Variants in SMAD5 observed in about 807,000 individuals in gnomAD.
SMAD5 encodes MAD, mothers against decapentaplegic homolog 5.
A neutral mutation model predicts 43.1 loss-of-function variants in SMAD5; 9 were observed. The observed-to-expected ratio is 0.21, with a 90% CI of 0.13 to 0.36. The LOEUF (loss-of-function observed/expected upper bound fraction) is 0.36, where lower values mean the gene tolerates loss of function less well. SMAD5 is among the 10% of genes least tolerant of loss of function. The pLI, the probability that SMAD5 is intolerant of heterozygous loss-of-function variation, is 1.00. For synonymous variants in SMAD5, 190 were observed against 192.4 expected (o/e 0.99, Z 0.10); for missense variants, 348 against 574.0 (o/e 0.61, Z 4.02).
intron 1 of SMAD5, among the ~76,000 whole-genome samples, chr5:136,142,445 C>T (rs1753117549): frequency 6.6e-6 from 1 of 152,032 alleles, no homozygotes; most frequent in African/African-American, 2.4e-5. Flanking sequence ...ACACTAATGA[C>T]GTTCTGTGTT....
intron 7 of SMAD5, among the ~76,000 whole-genome samples, chr5:136,175,831 A>G (rs745628349): frequency 6.6e-6 from 1 of 152,036 alleles, no homozygotes; most frequent in Non-Finnish European, 1.5e-5. Flanking sequence ...TGACTTTTGC[A>G]TATTTATTTT....
intron 7 of SMAD5, among the ~76,000 whole-genome samples, chr5:136,175,881 C>T (rs1467347863): frequency 1.3e-5 from 2 of 152,108 alleles, no homozygotes; most frequent in Non-Finnish European, 2.9e-5. Context: ...CCTGACCGCC[C>T]TCCCTCCCCA....
At chr5:136,175,554 G>A (rs375014977) in intron 7 of SMAD5, among the ~76,000 whole-genome samples, 45 of 152,246 alleles carry the variant, frequency 3.0e-4, no homozygotes, top group African/African-American at 1.0e-3. Context: ...ACATTCCAAA[G>A]ATTTGTGCTT....
intron 5 of SMAD5, among the ~76,000 whole-genome samples, chr5:136,171,486 C>A (rs767943467): frequency 6.6e-6 from 1 of 152,214 alleles, no homozygotes; most frequent in Non-Finnish European, 1.5e-5. Flanking sequence ...GAACATCAAA[C>A]CAAAGAGGTT....
chr5:136,144,353 T>C (rs1029724367), intron 1 of SMAD5, among the ~76,000 whole-genome samples: 1 of 152,038 alleles, frequency 6.6e-6, no homozygotes, highest in African/African-American at 2.4e-5. Flanking sequence ...GTTTGACACT[T>C]AGCCTTCTGA....
In SMAD5 at chr5:136,168,649, T is replaced by C. The variant is rs562885485; in HGVS notation, c.776-3785T>C. ...GTACATTCTGTGGGTTTTTAACACA[T>C]GTATCCACCCTTATGATATGATACA... On this transcript the variant is annotated intron_variant, in intron 5 of 7. Transcript: ENST00000545279. Among the ~76,000 whole-genome samples, 189 of 152,358 alleles carry C rather than the reference T, an allele frequency of 1.2e-3. 2 individuals are homozygous for C. The highest frequency in any genetic ancestry group is 2.2e-3 in the Non-Finnish European group (151 of 68,028).
At chr5:136,174,933 A>C (rs1410781626) in intron 7 of SMAD5, among the ~76,000 whole-genome samples, 1 of 152,188 alleles carries the variant, frequency 6.6e-6, no homozygotes, top group Non-Finnish European at 1.5e-5. Context: ...GTATTAGTCC[A>C]TTTTCATGCT....
chr5:136,141,604 C>T lies in SMAD5; in HGVS notation c.-244-6228C>T, dbSNP rs539387696. 1.2e-4 allele frequency among the ~76,000 whole-genome samples: 18 copies of T among 152,310 alleles called. No individual in the cohort carries two copies. In the Middle Eastern group the frequency reaches 0.014, roughly 115 times the overall value. ...ACCCTTGGCTAGTGCTGATAAACCC[C>T]TGCATGTCCTACAATGTCTGCTAGT... is the stretch of plus-strand genomic sequence containing the variant. On this transcript the variant is annotated intron_variant, in intron 1 of 7. Coordinates refer to ENST00000545279, the MANE Select transcript of SMAD5 (RefSeq NM_005903.7).
intron 2 of SMAD5, among the ~76,000 whole-genome samples, chr5:136,152,958 T>C (rs962836924): frequency 2.4e-4 from 37 of 152,234 alleles, no homozygotes; most frequent in Admixed American, 2.2e-3. Context: ...AATGAATTTA[T>C]TCTCTTTAAA....
chr5:136,153,679 T>C lies in SMAD5; in HGVS notation c.-82T>C, dbSNP rs1222451969. ...AATTGGAACTTCTGCTTAGGACCTGTGTATGACGTTTCACCTGTGATCTGT... is the reference window on the plus strand; with the variant it reads ...AATTGGAACTTCTGCTTAGGACCTGCGTATGACGTTTCACCTGTGATCTGT... On this transcript the variant is annotated 5_prime_UTR_variant, in exon 3 of 8. Transcript: ENST00000545279. The C allele has an allele frequency of 3.5e-6, 4 of 1,141,642 alleles. No homozygotes were observed. The South Asian group carries it at 6.0e-5, about 17-fold the overall frequency. The allele number at this position is 1,141,642 out of a possible 1,614,324, so 70.7% of individuals were successfully genotyped here.
intron 1 of SMAD5, among the ~76,000 whole-genome samples, chr5:136,136,771 A>G (rs900929669): frequency 6.6e-6 from 1 of 151,914 alleles, no homozygotes; most frequent in African/African-American, 2.4e-5. Context: ...ATCTTGACTC[A>G]CTGCAATTCT....
intron 1 of SMAD5, chr5:136,134,476 G>A (rs1752806525): frequency 6.6e-6 from 1 of 152,146 alleles, no homozygotes; most frequent in Non-Finnish European, 1.5e-5. Context: ...TCCATTGTGG[G>A]GAAAACAGTA....
At chr5:136,149,399 A>G (rs963991481) in intron 2 of SMAD5, among the ~76,000 whole-genome samples, 5 of 151,458 alleles carry the variant, frequency 3.3e-5, no homozygotes, top group Admixed American at 1.3e-4. Context: ...CTGTTAAACA[A>G]TTTTCAAAAG....
intron 3 of SMAD5, among the ~76,000 whole-genome samples, chr5:136,159,422 A>G (rs1753756531): frequency 6.6e-6 from 1 of 152,198 alleles, no homozygotes; most frequent in South Asian, 2.1e-4. Flanking sequence ...CTCTAATAGC[A>G]TGTCTTTTTT....
intron 1 of SMAD5, among the ~76,000 whole-genome samples, chr5:136,147,046 AT>A (rs1753281342): frequency 1.3e-5 from 2 of 151,734 alleles, no homozygotes; most frequent in East Asian, 3.9e-4. Context: ...TAATGGTATG[AT>A]TATAGGTGAG....
At chr5:136,161,239 G>A in intron 4 of SMAD5, 132 bp downstream of exon 4, 1 of 794,058 alleles carries the variant, frequency 1.3e-6, no homozygotes, top group Non-Finnish European at 2.0e-6. Context: ...TATTCTTTAG[G>A]TAATTGTTTG....
Position 136,133,435 on chromosome 5 carries a change from G to A in SMAD5, c.-245+473G>A, listed in dbSNP as rs560502092. ...AATGGCTTGATGAATCCGTGCCGCC[G>A]TCGCTTTGTGTTTCAAAGATAAGGA... is the stretch of plus-strand genomic sequence containing the variant. On this transcript the variant is annotated intron_variant, in intron 1 of 7. Coordinates refer to ENST00000545279, the MANE Select transcript of SMAD5 (RefSeq NM_005903.7). 1.5e-4 allele frequency: 23 copies of A among 152,600 alleles called. 1 individual carries two copies. The highest frequency in any genetic ancestry group is 1.4e-3 in the Admixed American group (21 of 15,310). 9.5% of individuals were successfully genotyped at this position (152,600 alleles called of 1,614,324 possible).
chr5:136,163,307 G>A lies in SMAD5; in HGVS notation c.691G>A (p.Asp231Asn). ...TCCTCCTGCCTATATGCCACCTGAT[G>A]ATCAGATGGGTCAAGATAATTCCCA... ...TPPPAYMPPD[D>N]QMGQDNSQPM... Residue 231 changes from aspartate (D) to asparagine (N), a missense_variant, in exon 5 of 8, where the codon GAT becomes AAT. By Grantham distance (23) the Asp-to-Asn change is conservative (BLOSUM62 1). Coordinates refer to ENST00000545279, the MANE Select transcript of SMAD5 (RefSeq NM_005903.7). 1 of 1,608,040 alleles carries A rather than the reference G, an allele frequency of 6.2e-7. No homozygotes were observed.
chr5:136,152,999 A>T (rs1431680083), intron 2 of SMAD5, among the ~76,000 whole-genome samples: 1 of 152,212 alleles, frequency 6.6e-6, no homozygotes, highest in Admixed American at 6.5e-5. Flanking sequence ...TTACAAATAG[A>T]TACTTGCCAT....
Sources: gnomAD v4.1 joint callset for allele counts (sites outside exome capture counted in the v4.1 genomes callset) on GRCh38, gnomAD v4.1.1 for gene constraint, MANE v1.5 for transcripts, NCBI Gene and HGNC (gene_info 2026-07-23, HGNC 2026-07-21) for gene names.